Variants in GRIN3A observed in about 807,000 individuals in gnomAD.
GRIN3A encodes the protein glutamate ionotropic receptor NMDA type subunit 3A.
In GRIN3A, 47 loss-of-function variants were observed where a neutral mutation model predicts 92.4. The ratio of observed to expected loss-of-function variants is 0.51; its 90% CI spans 0.40 to 0.65. The LOEUF (loss-of-function observed/expected upper bound fraction) is 0.65. Among genes scored for constraint, GRIN3A ranks in the 30% least tolerant of loss-of-function variants. GRIN3A has a pLI of 0.00. For synonymous variants in GRIN3A, 527 were observed against 540.6 expected, an observed-to-expected ratio of 0.97 and a Z score of 0.35; for missense variants, 1,324 against 1,393.1, an observed-to-expected ratio of 0.95 and a Z score of 0.79.
Position 101,738,157 on chromosome 9 carries a change from G to A in GRIN3A, c.-178C>T, listed in dbSNP as rs552360532. On this transcript the variant is annotated 5_prime_UTR_variant, in exon 1 of 9. Transcript: ENST00000361820. Reference sequence around the variant, plus strand: ...CAAGTTGGAGCGTAGCGCGCCTCCGGCAGTCTCAGATCCCGCTCCCAGGTC... The same window carrying A: ...CAAGTTGGAGCGTAGCGCGCCTCCGACAGTCTCAGATCCCGCTCCCAGGTC... The A allele has an allele frequency of 4.5e-5, 30 of 672,164 alleles. No individual in the cohort carries two copies. Among genetic ancestry groups the A allele is most frequent in the African/African-American group, 3.7e-4 (21 of 56,634 alleles). The allele number at this position is 672,164 out of a possible 1,614,324, so 41.6% of individuals were successfully genotyped here. A position where few individuals can be genotyped will look rare whatever the true frequency, so the allele number is the denominator to read the frequency against.
chr9:101,621,059 A>AG (rs559770950), intron 5 of GRIN3A, among the ~76,000 whole-genome samples: 51 of 152,050 alleles, frequency 3.4e-4, no homozygotes, highest in African/African-American at 1.1e-3. Context: ...CCGAGGTGGG[A>AG]GGATCACTTG....
chr9:101,641,967 A>T (rs985050975), intron 3 of GRIN3A, among the ~76,000 whole-genome samples: 15 of 152,298 alleles, frequency 9.8e-5, no homozygotes, highest in South Asian at 6.2e-4. Context: ...TCATTTAAAA[A>T]GTAACTAAAA....
At position 101,644,936 on chromosome 9, in the gene GRIN3A, A is replaced by C. The variant is rs1828917190; in HGVS notation, c.2353-16535T>G. Among the ~76,000 whole-genome samples the C allele has an allele frequency of 2.0e-5, 3 of 152,038 alleles. No individual in the cohort carries two copies. In the South Asian group the frequency reaches 6.2e-4, roughly 31 times the overall value. ...ATGTGATATTTTGAGACATGCATAC[A>C]ATATGTAATGATCAAATCAGGATGA... is the stretch of plus-strand genomic sequence containing the variant. On this transcript the variant is annotated intron_variant, in intron 3 of 8. Coordinates refer to ENST00000361820, the MANE Select transcript of GRIN3A (RefSeq NM_133445.3).
At chr9:101,656,540 CCTATAGCTTTGCTT>C (rs1829090588) in intron 3 of GRIN3A, among the ~76,000 whole-genome samples, 1 of 151,878 alleles carries the variant, frequency 6.6e-6, no homozygotes, top group Non-Finnish European at 1.5e-5. Flanking sequence ...TGGAAACTGA[CCTATAGCTTTGCTT>C]CTCTGATTGT....
rs1337086045 is a variant in GRIN3A, at chr9:101,570,333, T to C, written c.*2841A>G. The C allele has an allele frequency of 6.6e-6, 1 of 152,570 alleles. No individual in the cohort carries two copies. The highest frequency in any genetic ancestry group is 2.4e-5 in the African/African-American group (1 of 41,410). The allele number at this position is 152,570 out of a possible 1,614,324, so 9.5% of individuals were successfully genotyped here. A position where few individuals can be genotyped will look rare whatever the true frequency, so the allele number is the denominator to read the frequency against. On this transcript the variant is annotated 3_prime_UTR_variant, in exon 9 of 9. Coordinates refer to ENST00000361820, the MANE Select transcript of GRIN3A (RefSeq NM_133445.3). ...AAGGCTTCTGATCTTTGTGTTTTTTTTGAGCCTCAAAGGAGTTGAAAGAAC... is the reference window on the plus strand; with the variant it reads ...AAGGCTTCTGATCTTTGTGTTTTTTCTGAGCCTCAAAGGAGTTGAAAGAAC...
intron 5 of GRIN3A, among the ~76,000 whole-genome samples, chr9:101,618,491 A>G (rs911597442): frequency 6.6e-6 from 1 of 152,200 alleles, no homozygotes; most frequent in African/African-American, 2.4e-5. Flanking sequence ...TCAAAACCAC[A>G]ATGACATACC....
chr9:101,630,758 T>C (rs1228069086), intron 3 of GRIN3A, among the ~76,000 whole-genome samples: 3 of 152,236 alleles, frequency 2.0e-5, no homozygotes, highest in Non-Finnish European at 4.4e-5. Context: ...GAGGCTTGGA[T>C]AGTTAAAGTA....
chr9:101,659,250 G>T (rs975931844), intron 3 of GRIN3A, among the ~76,000 whole-genome samples: 6 of 151,538 alleles, frequency 4.0e-5, no homozygotes, highest in African/African-American at 1.5e-4. Context: ...AGAGTTAATA[G>T]ACATGTATGC....
intron 1 of GRIN3A, among the ~76,000 whole-genome samples, chr9:101,725,845 C>T (rs1488084321): frequency 1.3e-5 from 2 of 152,196 alleles, no homozygotes; most frequent in Non-Finnish European, 2.9e-5. Context: ...TTATGGGTCA[C>T]TCCTTACTTC....
intron 3 of GRIN3A, among the ~76,000 whole-genome samples, chr9:101,655,554 T>C (rs189491759): frequency 6.6e-6 from 1 of 152,054 alleles, no homozygotes; most frequent in Non-Finnish European, 1.5e-5. Flanking sequence ...TTAATATGTT[T>C]TTGAATATAG....
intron 1 of GRIN3A, among the ~76,000 whole-genome samples, chr9:101,699,746 C>T (rs1037557044): frequency 6.6e-6 from 1 of 152,138 alleles, no homozygotes; most frequent in African/African-American, 2.4e-5. Flanking sequence ...TGCTTATCTT[C>T]TTTGAAGAAC....
chr9:101,711,447 A>G (rs913536985), intron 1 of GRIN3A, among the ~76,000 whole-genome samples: 2 of 152,182 alleles, frequency 1.3e-5, no homozygotes, highest in Non-Finnish European at 2.9e-5. Flanking sequence ...GGGTAACTGA[A>G]ACCTTGGAAA....
rs1186570331 is a variant in GRIN3A, at chr9:101,710,463, C to A, written c.700-23263G>T. On this transcript the variant is annotated intron_variant, in intron 1 of 8. Transcript: ENST00000361820. ...ATTAAGATTTGGCAGATGACTGATG[C>A]CCCAAGTCCATATTCAAGGGTAAGA... 2.0e-5 allele frequency among the ~76,000 whole-genome samples: 3 copies of A among 152,242 alleles called. No individual in the cohort carries two copies. The South Asian group carries it at 6.2e-4, about 32-fold the overall frequency.
chr9:101,729,156 C>T (rs901063594), intron 1 of GRIN3A, among the ~76,000 whole-genome samples: 1 of 152,174 alleles, frequency 6.6e-6, no homozygotes, highest in Non-Finnish European at 1.5e-5. Context: ...ACCTGCCTTC[C>T]AAGGATAAGG....
chr9:101,633,103 C>T (rs1336873182), intron 3 of GRIN3A, among the ~76,000 whole-genome samples: 1 of 151,982 alleles, frequency 6.6e-6, no homozygotes, highest in Non-Finnish European at 1.5e-5. Flanking sequence ...AGAGAAATGG[C>T]TCAAAACAAA....
At chr9:101,697,539 G>A (rs186242684) in intron 1 of GRIN3A, among the ~76,000 whole-genome samples, 1 of 152,264 alleles carries the variant, frequency 6.6e-6, no homozygotes, top group Non-Finnish European at 1.5e-5. Flanking sequence ...ATGTCTGGTT[G>A]GCTACTTTTC....
chr9:101,721,802 C>G (rs1830015950), intron 1 of GRIN3A, among the ~76,000 whole-genome samples: 1 of 152,188 alleles, frequency 6.6e-6, no homozygotes. Flanking sequence ...GAAGAAATTT[C>G]TAAGCAGCAA....
intron 1 of GRIN3A, among the ~76,000 whole-genome samples, chr9:101,696,813 T>C (rs935733998): frequency 2.6e-5 from 4 of 152,162 alleles, no homozygotes; most frequent in Non-Finnish European, 5.9e-5. Context: ...CTTTATTGCA[T>C]TAAGAATGAA....
intron 5 of GRIN3A, among the ~76,000 whole-genome samples, chr9:101,623,028 G>T (rs1828579514): frequency 1.2e-5 from 1 of 82,462 alleles, no homozygotes; most frequent in African/African-American, 5.4e-5. Flanking sequence ...ACACAATACA[G>T]ATTAAATTAA....
Sources: allele counts gnomAD v4.1 joint callset (sites outside exome capture counted in the v4.1 genomes callset), GRCh38; gene constraint gnomAD v4.1.1; transcripts MANE v1.5; gene names NCBI Gene and HGNC (gene_info 2026-07-23, HGNC 2026-07-21).